Variants in FRMD5 observed in about 807,000 individuals in gnomAD.
FRMD5 encodes the protein FERM domain containing 5, also known as FERM domain-containing protein 5.
In FRMD5, 20 loss-of-function variants were observed where a neutral mutation model predicts 69.0. The ratio of observed to expected loss-of-function variants is 0.29; its 90% confidence interval spans 0.20 to 0.42. The LOEUF (loss-of-function observed/expected upper bound fraction) is 0.42, where lower values mean the gene tolerates loss of function less well. Among genes scored for constraint, FRMD5 ranks in the 10% least tolerant of loss-of-function variants. FRMD5 has a pLI of 1.00. For synonymous variants in FRMD5, 271 were observed against 260.1 expected (o/e 1.04, Z -0.40); for missense variants, 595 against 708.6 (o/e 0.84, Z 1.82).
In FRMD5 at chr15:43,898,060, G is replaced by A. The variant is rs190516067; in HGVS notation, c.639+4115C>T. ...TTTATAAATTACTCAGTCTCAGGTAGTTCTTTATAGCAGTGTGAAAATGGA... is the reference window on the plus strand; with the variant it reads ...TTTATAAATTACTCAGTCTCAGGTAATTCTTTATAGCAGTGTGAAAATGGA... On this transcript the variant is annotated intron_variant, in intron 7 of 13. Coordinates refer to ENST00000417257, the MANE Select transcript of FRMD5 (RefSeq NM_032892.5). 2.8e-3 allele frequency among the ~76,000 whole-genome samples: 419 copies of A among 152,306 alleles called. 1 individual carries two copies. The highest frequency in any genetic ancestry group is 0.01 in the Middle Eastern group (3 of 294).
intron 7 of FRMD5, among the ~76,000 whole-genome samples, chr15:43,898,985 G>C (rs2088980603): frequency 6.6e-6 from 1 of 152,200 alleles, no homozygotes; most frequent in South Asian, 2.1e-4. Flanking sequence ...AATCAGTCCA[G>C]GGGACAGAGC....
chr15:44,171,324 A>AT (rs1191201490), intron 1 of FRMD5, among the ~76,000 whole-genome samples: 5 of 152,244 alleles, frequency 3.3e-5, no homozygotes, highest in Non-Finnish European at 5.9e-5. Flanking sequence ...TAAAGCAGTC[A>AT]TTCTATTTCC....
At chr15:44,063,087 G>A (rs76911780) in intron 1 of FRMD5, among the ~76,000 whole-genome samples, 12 of 151,962 alleles carry the variant, frequency 7.9e-5, no homozygotes, top group Admixed American at 5.2e-4. Flanking sequence ...GCTATTCTAC[G>A]TTCTTTCCAT....
intron 1 of FRMD5, among the ~76,000 whole-genome samples, chr15:44,074,108 A>G (rs2140421491): frequency 6.6e-6 from 1 of 152,280 alleles, no homozygotes; most frequent in East Asian, 1.9e-4. Flanking sequence ...CTTTGCAGGT[A>G]AGTCATTTCT....
At chr15:44,135,838 A>C (rs1458469725) in intron 1 of FRMD5, among the ~76,000 whole-genome samples, 3 of 151,728 alleles carry the variant, frequency 2.0e-5, no homozygotes, top group East Asian at 3.9e-4. Flanking sequence ...AAAAAAAAAA[A>C]AAAAACTACA....
Position 43,883,309 on chromosome 15 carries a change from G to A in FRMD5, c.1135+394C>T, listed in dbSNP as rs565710299. On this transcript the variant is annotated intron_variant, in intron 13 of 13. Coordinates refer to ENST00000417257, the MANE Select transcript of FRMD5 (RefSeq NM_032892.5). The stretch of plus-strand genomic sequence containing the variant: ...GACAGGGTTTCACCATTTTGGCCGG[G>A]CTGGTCTTGAACTCCTGACCTCAAG... 9.9e-5 allele frequency among the ~76,000 whole-genome samples: 15 copies of A among 152,198 alleles called. No individual in the cohort carries two copies. The South Asian group carries it at 3.1e-3, about 32-fold the overall frequency.
At chr15:43,882,586 T>C (rs1478090233) in intron 13 of FRMD5, among the ~76,000 whole-genome samples, 2 of 152,134 alleles carry the variant, frequency 1.3e-5, no homozygotes, top group Non-Finnish European at 2.9e-5. Flanking sequence ...CTCAAACTAC[T>C]GACCTTAGGT....
intron 1 of FRMD5, among the ~76,000 whole-genome samples, chr15:43,956,422 A>T (rs1285704556): frequency 6.6e-6 from 1 of 152,170 alleles, no homozygotes; most frequent in Non-Finnish European, 1.5e-5. Flanking sequence ...TTTTAAATTC[A>T]ACTACTTTGA....
chr15:43,876,498 T>C (rs1005969800), intron 13 of FRMD5, among the ~76,000 whole-genome samples: 2 of 152,080 alleles, frequency 1.3e-5, no homozygotes, highest in Non-Finnish European at 2.9e-5. Context: ...CTGGGCAACA[T>C]AGACACTGTA....
chr15:44,144,762 A>G (rs1479658671), intron 1 of FRMD5, among the ~76,000 whole-genome samples: 1 of 152,234 alleles, frequency 6.6e-6, no homozygotes, highest in Non-Finnish European at 1.5e-5. Context: ...TCTCAAAAAC[A>G]AAATTCTTCC....
At chr15:43,892,145 G>A (rs780026383) in intron 7 of FRMD5, 76 bp from the exon 8 acceptor site, 14 of 1,240,236 alleles carry the variant, frequency 1.1e-5, no homozygotes, top group South Asian at 3.7e-5. Context: ...CTGTTCATAG[G>A]TGATGCAGGG....
chr15:43,922,772 G>A (rs2089518357), intron 2 of FRMD5, among the ~76,000 whole-genome samples: 1 of 151,692 alleles, frequency 6.6e-6, no homozygotes, highest in African/African-American at 2.4e-5. Flanking sequence ...CCGGGTTCGA[G>A]TGATTCTCAT....
At chr15:44,038,593 G>A (rs967349405) in intron 1 of FRMD5, among the ~76,000 whole-genome samples, 2 of 128,512 alleles carry the variant, frequency 1.6e-5, no homozygotes, top group African/African-American at 2.9e-5. Context: ...GCTCCAGTCT[G>A]CAGCTCCCAG....
intron 1 of FRMD5, chr15:43,989,823 G>T: frequency 9.7e-7 from 1 of 1,029,058 alleles, no homozygotes. Flanking sequence ...ACATGATCTG[G>T]GTCATCTTCT....
chr15:43,957,027 C>G (rs2090126136), intron 1 of FRMD5, among the ~76,000 whole-genome samples: 1 of 152,050 alleles, frequency 6.6e-6, no homozygotes, highest in Non-Finnish European at 1.5e-5. Flanking sequence ...GAGTATCTTC[C>G]CCTATCATCC....
chr15:44,013,814 G>C (rs559341259), intron 1 of FRMD5, among the ~76,000 whole-genome samples: 6 of 150,702 alleles, frequency 4.0e-5, no homozygotes, highest in African/African-American at 1.5e-4. Context: ...AAAGGAAATA[G>C]ATGATGATGA....
At chr15:44,061,731 C>T (rs1264053872) in intron 1 of FRMD5, among the ~76,000 whole-genome samples, 12 of 152,242 alleles carry the variant, frequency 7.9e-5, no homozygotes, top group African/African-American at 2.9e-4. Flanking sequence ...ATGAATGTTG[C>T]AGGATCTTTG....
intron 1 of FRMD5, among the ~76,000 whole-genome samples, chr15:44,017,410 ATG>A (rs1891015226): frequency 6.6e-6 from 1 of 151,880 alleles, no homozygotes; most frequent in Non-Finnish European, 1.5e-5. Flanking sequence ...AAATGAGATC[ATG>A]TATCTGCCAG....
At chr15:44,197,074 G>A (rs371397904), upstream of FRMD5, among the ~76,000 whole-genome samples, 10 of 152,206 alleles carry the variant, frequency 6.6e-5, no homozygotes, top group East Asian at 1.2e-3. Flanking sequence ...GGTGGCATGC[G>A]CCCGTGGTCC....
Sources: allele counts gnomAD v4.1 joint callset (sites outside exome capture counted in the v4.1 genomes callset), GRCh38; gene constraint gnomAD v4.1.1; transcripts MANE v1.5; gene names NCBI Gene and HGNC (gene_info 2026-07-23, HGNC 2026-07-21).